Variants in CSMD1 observed in about 807,000 individuals in gnomAD.
CSMD1 encodes CUB and sushi domain-containing protein 1.
A neutral mutation model predicts 417.5 loss-of-function variants in CSMD1; 213 were observed. The ratio of observed to expected loss-of-function variants is 0.51; its 90% confidence interval spans 0.46 to 0.57. The LOEUF is 0.57. Among genes scored for constraint, CSMD1 ranks in the 20% least tolerant of loss-of-function variants. The pLI is 0.00. For missense variants in CSMD1, 6,923 were observed against 4,529.7 expected, an observed-to-expected ratio of 1.53 and a Z score of -15.17; for synonymous variants, 2,862 against 1,736.8, an observed-to-expected ratio of 1.65 and a Z score of -16.11.
intron 5 of CSMD1, among the ~76,000 whole-genome samples, chr8:3,819,819 A>G (rs1471590824): frequency 6.6e-6 from 1 of 152,148 alleles, no homozygotes; most frequent in Non-Finnish European, 1.5e-5. Flanking sequence ...TACTGAGATT[A>G]CAGGCGTGAC....
chr8:4,734,021 C>G (rs186700104), intron 1 of CSMD1, among the ~76,000 whole-genome samples: 275 of 152,182 alleles, frequency 1.8e-3, no homozygotes, highest in African/African-American at 6.2e-3. Context: ...GTCCTTCTTA[C>G]AAAAATATTT....
intron 12 of CSMD1, among the ~76,000 whole-genome samples, chr8:3,426,059 A>G (rs1237091884): frequency 1.3e-5 from 2 of 152,220 alleles, no homozygotes; most frequent in Non-Finnish European, 2.9e-5. Context: ...AATATTCTTG[A>G]TAATCTGTGA....
chr8:4,088,256 C>A (rs1345405672), intron 3 of CSMD1, among the ~76,000 whole-genome samples: 1 of 152,156 alleles, frequency 6.6e-6, no homozygotes, highest in Non-Finnish European at 1.5e-5. Context: ...AGTAGATTTG[C>A]GAGTCGTGTT....
intron 1 of CSMD1, among the ~76,000 whole-genome samples, chr8:4,685,682 G>C (rs1253398574): frequency 6.6e-6 from 1 of 152,164 alleles, no homozygotes; most frequent in African/African-American, 2.4e-5. Flanking sequence ...AATTAAATTT[G>C]AAAATTGAGT....
chr8:3,439,309 A>ATATATTTTT, intron 12 of CSMD1, among the ~76,000 whole-genome samples: 829 of 62,404 alleles, frequency 0.013, 45 homozygotes, highest in African/African-American at 0.051. Flanking sequence ...ATATATATAT[A>ATATATTTTT]TTTTTTTTTT....
chr8:4,703,488 A>T (rs1807717601), intron 1 of CSMD1, among the ~76,000 whole-genome samples: 1 of 152,050 alleles, frequency 6.6e-6, no homozygotes, highest in Non-Finnish European at 1.5e-5. Flanking sequence ...GTAATTATTT[A>T]AAACATGTAT....
chr8:4,700,637 C>T (rs1272812792), intron 1 of CSMD1, among the ~76,000 whole-genome samples: 7 of 151,936 alleles, frequency 4.6e-5, no homozygotes, highest in Admixed American at 3.3e-4. Context: ...CAATCTATCA[C>T]AAAAAATGAA....
intron 1 of CSMD1, among the ~76,000 whole-genome samples, chr8:4,792,060 C>T (rs1317744413): frequency 2.0e-5 from 3 of 152,136 alleles, no homozygotes; most frequent in Admixed American, 6.6e-5. Context: ...CCAAGATTCA[C>T]TGCCTGGTTT....
At chr8:3,604,578 G>A (rs539774299) in intron 8 of CSMD1, among the ~76,000 whole-genome samples, 2 of 152,046 alleles carry the variant, frequency 1.3e-5, no homozygotes, top group East Asian at 1.9e-4. Flanking sequence ...ATAAGTATAT[G>A]AAATCTATAA....
At chr8:3,520,665 G>A (rs544474098) in intron 10 of CSMD1, among the ~76,000 whole-genome samples, 2 of 151,862 alleles carry the variant, frequency 1.3e-5, no homozygotes, top group Non-Finnish European at 2.9e-5. Context: ...TCTTTTGTTT[G>A]TTTATTTGTT....
intron 7 of CSMD1, among the ~76,000 whole-genome samples, chr8:3,677,283 G>C (rs56196548): frequency 0.14 from 21,118 of 152,180 alleles, 1,648 homozygotes; most frequent in South Asian, 0.21. Context: ...GGAAAGTTAT[G>C]GTTCCAACTA....
rs137865132 is a variant in CSMD1, at chr8:4,203,887, G to C, written c.416-171788C>G. 9.5e-3 allele frequency among the ~76,000 whole-genome samples: 1,449 copies of C among 152,216 alleles called. 20 individuals carry two copies. Among genetic ancestry groups the C allele is most frequent in the African/African-American group, 0.034 (1,396 of 41,542 alleles). ...AGGCTGAGGTAGGTGGATCCCTTGA[G>C]CCAAGGAGTTTGAGGCCAGCCTGGG... On this transcript the variant is annotated intron_variant, in intron 3 of 69. Transcript: ENST00000635120.
Position 2,963,303 on chromosome 8 carries a change from C to A in CSMD1, c.9373G>T (p.Asp3125Tyr), listed in dbSNP as rs552214694. Reference protein sequence around the residue: ...WGSSISYSCMDGYQLSHSAIL... With the variant: ...WGSSISYSCMYGYQLSHSAIL... ...GCGGAGTGAGAGAGCTGGTAACCGT[C>A]CATGCAGCTGTAACTTATGCTGGAG... The change falls in exon 60 of 70, where the codon GAC becomes TAC. Residue 3125 changes from aspartate to tyrosine, a missense_variant. Asp to Tyr is a radical substitution (Grantham distance 160). Coordinates refer to ENST00000635120, the MANE Select transcript of CSMD1 (RefSeq NM_033225.6). The A allele has an allele frequency of 2.1e-4, 339 of 1,613,956 alleles. 4 individuals carry two copies. The East Asian group carries it at 7.4e-3, about 35-fold the overall frequency.
chr8:3,798,196 TA>T (rs1320462619), intron 5 of CSMD1, among the ~76,000 whole-genome samples: 2 of 152,088 alleles, frequency 1.3e-5, no homozygotes, highest in African/African-American at 4.8e-5. Flanking sequence ...CATTTTCCGC[TA>T]CAGAGTTCAT....
chr8:3,723,052 C>G (rs1374586229), intron 6 of CSMD1, among the ~76,000 whole-genome samples: 1 of 152,164 alleles, frequency 6.6e-6, no homozygotes, highest in Non-Finnish European at 1.5e-5. Flanking sequence ...GGAACTAGCG[C>G]AGCTGCTTTC....
At chr8:3,931,253 G>A (rs550857126) in intron 5 of CSMD1, among the ~76,000 whole-genome samples, 2 of 150,466 alleles carry the variant, frequency 1.3e-5, no homozygotes, top group South Asian at 2.2e-4. Context: ...TAGTTTCTCA[G>A]AACGCTCTGC....
intron 6 of CSMD1, among the ~76,000 whole-genome samples, chr8:3,749,813 G>C (rs553518604): frequency 3.3e-5 from 5 of 151,752 alleles, no homozygotes; most frequent in East Asian, 1.9e-4. Flanking sequence ...TTCCATGTTT[G>C]TTTATTACTT....
rs560923886 is a variant in CSMD1 at position 4,808,233 on chromosome 8, T to C, written c.86-170675A>G. On this transcript the variant is annotated intron_variant, in intron 1 of 69. Coordinates refer to ENST00000635120, the MANE Select transcript of CSMD1 (RefSeq NM_033225.6). ...TCGGTCAGCAGCGGTATAGGGTTGC[T>C]GCATTAGGAACGATGATCAGAGCAT... is the stretch of plus-strand genomic sequence containing the variant. 6.6e-5 allele frequency among the ~76,000 whole-genome samples: 10 copies of C among 152,324 alleles called. No individual in the cohort carries two copies. The South Asian group carries it at 2.1e-3, about 32-fold the overall frequency.
intron 1 of CSMD1, among the ~76,000 whole-genome samples, chr8:4,638,630 G>A (rs143346123): frequency 6.6e-6 from 1 of 152,142 alleles, no homozygotes; most frequent in Non-Finnish European, 1.5e-5. Flanking sequence ...GAGTTCCAAA[G>A]AGCAGTAAGT....
Sources: gnomAD v4.1 joint callset for allele counts (sites outside exome capture counted in the v4.1 genomes callset) on GRCh38, gnomAD v4.1.1 for gene constraint, MANE v1.5 for transcripts, NCBI Gene and HGNC (gene_info 2026-07-23, HGNC 2026-07-21) for gene names.